The following POC1A variants were observed in gnomAD, a reference collection of about 807,000 sequenced individuals.
POC1A encodes POC1 centriolar protein A, also known as POC1 centriolar protein homolog A.
In POC1A, 34 loss-of-function variants were observed where a neutral mutation model predicts 47.8. The observed-to-expected ratio is 0.71, with a 90% CI of 0.54 to 0.95. POC1A has a LOEUF of 0.95. Among genes scored for constraint, POC1A ranks in the 40% least tolerant of loss-of-function variants. The pLI, the probability that POC1A is intolerant of heterozygous loss-of-function variation, is 0.00. For missense variants in POC1A, 466 were observed against 528.3 expected (o/e 0.88, Z 1.16); for synonymous variants, 177 against 207.6 (o/e 0.85, Z 1.27).
At chr3:52,089,977 G>A (rs1238385264) in intron 10 of POC1A, among the ~76,000 whole-genome samples, 1 of 149,180 alleles carries the variant, frequency 6.7e-6, no homozygotes, top group Non-Finnish European at 1.5e-5. Context: ...GGGGGTGGGG[G>A]AGCAGGTTTA....
intron 7 of POC1A, among the ~76,000 whole-genome samples, chr3:52,134,410 T>C (rs1704356685): frequency 6.6e-6 from 1 of 152,148 alleles, no homozygotes; most frequent in Admixed American, 6.5e-5. Flanking sequence ...GGCAGGTGGA[T>C]CACCTGAGGT....
chr3:52,084,886 CGG>C lies in POC1A; in HGVS notation c.1126-8903_1126-8902del, dbSNP rs1243329661. 6.6e-6 allele frequency among the ~76,000 whole-genome samples: 1 copy of C among 152,194 alleles called. No homozygotes were observed. The highest frequency in any genetic ancestry group is 1.5e-5 in the Non-Finnish European group (1 of 68,026). On this transcript the variant is annotated intron_variant, in intron 10 of 10. Transcript: ENST00000296484. This position sits in a 1 kb window ranked among gnomAD's most constrained non-coding sequence, Gnocchi z 4.3. ...GTTGGGCCAGACTGATGGGTGAAGG[CGG>C]AGCCAACATCCAGGCATGTGTCCCA...
chr3:52,097,419 G>A (rs1000602521), intron 9 of POC1A, among the ~76,000 whole-genome samples: 3 of 152,240 alleles, frequency 2.0e-5, no homozygotes, highest in African/African-American at 7.2e-5. Flanking sequence ...TAGTGTTTCT[G>A]CGTAAGGCCC....
chr3:52,118,301 T>C (rs1703647193), intron 9 of POC1A, among the ~76,000 whole-genome samples: 1 of 152,108 alleles, frequency 6.6e-6, no homozygotes, highest in Middle Eastern at 3.4e-3. Flanking sequence ...AGCCCTGAAA[T>C]CCCTCCTCAT....
intron 7 of POC1A, among the ~76,000 whole-genome samples, chr3:52,125,737 A>C (rs749632964): frequency 1.5e-4 from 23 of 152,288 alleles, no homozygotes; most frequent in South Asian, 4.1e-4. Context: ...GCAGCAGAGC[A>C]ATGTGACACG....
intron 6 of POC1A, among the ~76,000 whole-genome samples, chr3:52,144,264 C>T (rs1024204462): frequency 1.3e-5 from 2 of 152,242 alleles, no homozygotes; most frequent in African/African-American, 2.4e-5. Context: ...CATCCCCAAG[C>T]CCCAGCCCTT....
intron 8 of POC1A, among the ~76,000 whole-genome samples, chr3:52,123,123 C>A (rs1014513113): frequency 3.9e-5 from 6 of 152,238 alleles, no homozygotes; most frequent in Non-Finnish European, 5.9e-5. Flanking sequence ...TGCTGTGAGG[C>A]TCACAGGAGA....
intron 9 of POC1A, among the ~76,000 whole-genome samples, chr3:52,116,052 A>T (rs1004679884): frequency 2.0e-4 from 30 of 152,216 alleles, no homozygotes; most frequent in Non-Finnish European, 1.5e-5. Flanking sequence ...GAGGCAGATG[A>T]GGTGGAAATG....
At chr3:52,143,175 A>G (rs1485019167) in intron 6 of POC1A, among the ~76,000 whole-genome samples, 5 of 152,058 alleles carry the variant, frequency 3.3e-5, no homozygotes, top group African/African-American at 4.8e-5. Flanking sequence ...AGAGGCTGTC[A>G]TAAGAGGCAA....
intron 10 of POC1A, among the ~76,000 whole-genome samples, chr3:52,082,771 A>C (rs1702342863): frequency 6.6e-6 from 1 of 152,096 alleles, no homozygotes; most frequent in Non-Finnish European, 1.5e-5. Context: ...TGCCCAAAGA[A>C]ATTGCACTGA....
intron 10 of POC1A, 88 bp from the exon 11 acceptor site, chr3:52,076,073 C>G: frequency 7.4e-6 from 7 of 951,594 alleles, no homozygotes; most frequent in African/African-American, 1.6e-5. Flanking sequence ...ACTTGGCTGC[C>G]TCAGCCACTG....
At chr3:52,139,265 C>A (rs1698098214) in intron 6 of POC1A, among the ~76,000 whole-genome samples, 2 of 152,178 alleles carry the variant, frequency 1.3e-5, no homozygotes, top group African/African-American at 4.8e-5. Context: ...CCAATGCCAA[C>A]ATGGATGTTC....
chr3:52,132,749 GA>G (rs373710980), intron 7 of POC1A, among the ~76,000 whole-genome samples: 16 of 152,238 alleles, frequency 1.1e-4, no homozygotes, highest in African/African-American at 3.9e-4. Flanking sequence ...AATTGATACT[GA>G]AATTGAATCC....
At chr3:52,146,937 G>A (rs369371556) in intron 5 of POC1A, 51 bp downstream of exon 5, 4 of 1,454,688 alleles carry the variant, frequency 2.7e-6, no homozygotes, top group Non-Finnish European at 3.9e-6. Context: ...GCCCAGGTCT[G>A]TGCTCTGTGC....
chr3:52,097,082 G>A (rs984187052), intron 9 of POC1A, among the ~76,000 whole-genome samples: 3 of 152,262 alleles, frequency 2.0e-5, no homozygotes, highest in Admixed American at 1.3e-4. Context: ...GCATCCAGGT[G>A]AGTCCAGAGA....
chr3:52,126,960 C>G (rs899539319), intron 7 of POC1A, among the ~76,000 whole-genome samples: 1 of 152,214 alleles, frequency 6.6e-6, no homozygotes, highest in Non-Finnish European at 1.5e-5. Context: ...TCTAATCACA[C>G]TACCCTTCCT....
At chr3:52,131,660 C>T (rs1470428725) in intron 7 of POC1A, among the ~76,000 whole-genome samples, 2 of 152,182 alleles carry the variant, frequency 1.3e-5, no homozygotes, top group Non-Finnish European at 2.9e-5. Context: ...GCAAAGCAAA[C>T]CCACGAGGGC....
chr3:52,134,226 G>A (rs1347176160), intron 7 of POC1A, among the ~76,000 whole-genome samples: 2 of 151,836 alleles, frequency 1.3e-5, no homozygotes, highest in African/African-American at 2.4e-5. Context: ...GAATGAAGGG[G>A]TTAAAAAAAA....
At chr3:52,153,526 G>T in intron 1 of POC1A, among the ~76,000 whole-genome samples, 1 of 152,228 alleles carries the variant, frequency 6.6e-6, no homozygotes, top group Non-Finnish European at 1.5e-5. Context: ...AGAGCCTTCT[G>T]CTCTCACCTA....
Sources: allele counts gnomAD v4.1 joint callset (sites outside exome capture counted in the v4.1 genomes callset), GRCh38; gene constraint gnomAD v4.1.1; non-coding constraint Gnocchi (gnomAD v3.1); transcripts MANE v1.5; gene names NCBI Gene and HGNC (gene_info 2026-07-23, HGNC 2026-07-21).